Variants in NCKAP5 observed in about 807,000 individuals in gnomAD.
NCKAP5 encodes the protein nck-associated protein 5.
In NCKAP5, 92 loss-of-function variants were observed where a neutral mutation model predicts 167.0. The observed-to-expected ratio is 0.55, with a 90% CI of 0.47 to 0.66. NCKAP5 has a LOEUF of 0.66. Ranked by LOEUF, NCKAP5 falls within the 30% of genes least tolerant of loss-of-function variation. The pLI is 0.00. For missense variants in NCKAP5, 2,378 were observed against 2,315.0 expected (o/e 1.03, Z -0.56); for synonymous variants, 891 against 877.4 (o/e 1.02, Z -0.27).
intron 8 of NCKAP5, chr2:132,911,053 TAG>T (rs1177191119): frequency 5.1e-6 from 1 of 196,048 alleles, no homozygotes; most frequent in Non-Finnish European, 1.1e-5. Flanking sequence ...ACCCATTCGG[TAG>T]AGAGACTTCA....
intron 4 of NCKAP5, among the ~76,000 whole-genome samples, chr2:133,280,570 G>A (rs1379649248): frequency 2.0e-5 from 3 of 152,056 alleles, no homozygotes; most frequent in East Asian, 1.9e-4. Context: ...GTGGCTCCAG[G>A]GGATGGCTTA....
the NCKAP5 span, among the ~76,000 whole-genome samples, chr2:133,652,350 A>G: frequency 9.3e-4 from 141 of 152,334 alleles, no homozygotes; most frequent in African/African-American, 3.1e-3. Context: ...TAATTCCTTA[A>G]GAAAGAACAC....
At chr2:133,009,995 C>T (rs1045463311) in intron 6 of NCKAP5, among the ~76,000 whole-genome samples, 23 of 151,442 alleles carry the variant, frequency 1.5e-4, no homozygotes, top group Non-Finnish European at 2.5e-4. Flanking sequence ...GGCGTGAACC[C>T]GGGAGGCAGA....
rs751951353 is a variant in NCKAP5, at chr2:132,732,010, T to G, written c.5170A>C (p.Thr1724Pro). The G allele has an allele frequency of 6.2e-7, 1 of 1,613,628 alleles. No homozygotes were observed. Among genetic ancestry groups the G allele is most frequent in the Non-Finnish European group, 8.5e-7 (1 of 1,179,798 alleles). The change falls in exon 17 of 20, where the codon ACC becomes CCC. Residue 1724 changes from threonine to proline, a missense_variant. Coordinates refer to ENST00000409261, the MANE Select transcript of NCKAP5 (RefSeq NM_207363.3). ...TTTCCCGAGTCTGGGAGTGGAAAGG[T>G]TCCGATCCCACTGTCCAATGTTCTC... is the stretch of plus-strand genomic sequence containing the variant. Reference protein sequence around the residue: ...QMRTLDSGIGTFPLPDSGNRS... With the variant: ...QMRTLDSGIGPFPLPDSGNRS...
chr2:132,905,326 C>G (rs1693923817), intron 8 of NCKAP5, among the ~76,000 whole-genome samples: 1 of 152,172 alleles, frequency 6.6e-6, no homozygotes, highest in African/African-American at 2.4e-5. Flanking sequence ...TCCACCTTAT[C>G]TAAAACTGTA....
At chr2:133,128,124 T>C (rs1255688543) in intron 6 of NCKAP5, among the ~76,000 whole-genome samples, 1 of 152,144 alleles carries the variant, frequency 6.6e-6, no homozygotes, top group East Asian at 1.9e-4. Flanking sequence ...CATCTAAAAA[T>C]TAAGCTGTCA....
In NCKAP5 at chr2:132,777,815, T is replaced by C. The variant is rs200450405; in HGVS notation, c.5049+3237A>G. Reference sequence around the variant, plus strand: ...TTTTATCACCGTGGTACCATTTTAATGGGATAGTATTTGATGCTTTTTTAT... The same window carrying C: ...TTTTATCACCGTGGTACCATTTTAACGGGATAGTATTTGATGCTTTTTTAT... On this transcript the variant is annotated intron_variant, in intron 15 of 19. Coordinates refer to ENST00000409261, the MANE Select transcript of NCKAP5 (RefSeq NM_207363.3). 3.9e-4 allele frequency among the ~76,000 whole-genome samples: 59 copies of C among 152,262 alleles called. No individual in the cohort carries two copies. The East Asian group carries it at 0.011, about 27-fold the overall frequency.
chr2:132,930,607 C>T (rs1696296525), intron 8 of NCKAP5: 1 of 152,268 alleles, frequency 6.6e-6, no homozygotes, highest in South Asian at 2.1e-4. Context: ...GTTCTCAGGA[C>T]TGTGGACTTG....
At chr2:133,542,144 T>A (rs1170792266) in intron 2 of NCKAP5, among the ~76,000 whole-genome samples, 3 of 152,070 alleles carry the variant, frequency 2.0e-5, no homozygotes, top group Non-Finnish European at 4.4e-5. Flanking sequence ...CATGGGGATG[T>A]CCCTAAACAT....
At chr2:133,338,303 C>T (rs941014425) in intron 3 of NCKAP5, among the ~76,000 whole-genome samples, 4 of 152,082 alleles carry the variant, frequency 2.6e-5, no homozygotes, top group African/African-American at 9.7e-5. Flanking sequence ...ATGTAGAGTT[C>T]CTATATAAAC....
chr2:132,915,875 A>G (rs77654384), intron 8 of NCKAP5, among the ~76,000 whole-genome samples: 1,558 of 152,042 alleles, frequency 0.01, 35 homozygotes, highest in African/African-American at 0.035. Context: ...TGGCTTAGGG[A>G]GACTTGGGGA....
chr2:132,959,344 G>A (rs905122044), intron 8 of NCKAP5, among the ~76,000 whole-genome samples: 2 of 151,984 alleles, frequency 1.3e-5, no homozygotes, highest in Non-Finnish European at 2.9e-5. Flanking sequence ...TCCTAGAAGC[G>A]GCCAAGTTCT....
intron 3 of NCKAP5, among the ~76,000 whole-genome samples, chr2:133,415,207 A>G (rs542707438): frequency 3.3e-5 from 5 of 152,368 alleles, no homozygotes; most frequent in African/African-American, 1.2e-4. Context: ...GGCCAAAGAA[A>G]TTATATCCTG....
At chr2:133,332,852 G>A (rs1362050482) in intron 3 of NCKAP5, among the ~76,000 whole-genome samples, 1 of 152,240 alleles carries the variant, frequency 6.6e-6, no homozygotes, top group Non-Finnish European at 1.5e-5. Context: ...GAGTGAGACA[G>A]CATGTCAATA....
chr2:133,590,039 C>A, the NCKAP5 span, among the ~76,000 whole-genome samples: 1 of 152,264 alleles, frequency 6.6e-6, no homozygotes, highest in South Asian at 2.1e-4. Flanking sequence ...CTCTTTCCTG[C>A]CTTCCTTTTT....
At chr2:133,326,696 T>C (rs1189367513) in intron 3 of NCKAP5, among the ~76,000 whole-genome samples, 1 of 152,114 alleles carries the variant, frequency 6.6e-6, no homozygotes, top group Non-Finnish European at 1.5e-5. Context: ...CACTGACCTC[T>C]ACCCCATCTC....
chr2:133,018,937 A>C (rs1295063832), intron 6 of NCKAP5, among the ~76,000 whole-genome samples: 1 of 152,244 alleles, frequency 6.6e-6, no homozygotes. Flanking sequence ...GCTATTTAAA[A>C]GTCAACCATT....
chr2:133,402,180 AAAG>A (rs1395861586), intron 3 of NCKAP5, among the ~76,000 whole-genome samples: 4 of 152,284 alleles, frequency 2.6e-5, no homozygotes, highest in Middle Eastern at 3.4e-3. Context: ...CCTCAGTGCT[AAAG>A]AAGAAGGACT....
chr2:133,059,969 C>T (rs1422859362), intron 6 of NCKAP5, among the ~76,000 whole-genome samples: 2 of 151,948 alleles, frequency 1.3e-5, no homozygotes, highest in Non-Finnish European at 2.9e-5. Flanking sequence ...AGAAAGTTCC[C>T]TCACCAACAA....
Sources: gnomAD v4.1 joint callset for allele counts (sites outside exome capture counted in the v4.1 genomes callset) on GRCh38, gnomAD v4.1.1 for gene constraint, MANE v1.5 for transcripts, NCBI Gene and HGNC (gene_info 2026-07-23, HGNC 2026-07-21) for gene names.